The following LUC7L2 variants were observed in gnomAD, a reference collection of about 807,000 sequenced individuals.
LUC7L2 encodes putative RNA-binding protein Luc7-like 2.
In LUC7L2, 25 loss-of-function variants were observed where a neutral mutation model predicts 52.8. The observed-to-expected ratio is 0.47, with a 90% CI of 0.34 to 0.66. LUC7L2 has a LOEUF of 0.66. LUC7L2 is among the 30% of genes least tolerant of loss of function. The pLI, the probability that LUC7L2 is intolerant of heterozygous loss-of-function variation, is 0.01. For missense variants in LUC7L2, 328 were observed against 497.8 expected (o/e 0.66, Z 3.25); for synonymous variants, 144 against 160.9 (o/e 0.89, Z 0.80).
chr7:139,376,305 TC>T, intron 2 of LUC7L2, 149 bp downstream of exon 2: 1 of 811,450 alleles, frequency 1.2e-6, no homozygotes, highest in Non-Finnish European at 1.9e-6. Context: ...ATTACTTAAA[TC>T]TTCAGTAATG....
At chr7:139,396,165 G>A (rs1794656233) in intron 2 of LUC7L2, among the ~76,000 whole-genome samples, 2 of 152,156 alleles carry the variant, frequency 1.3e-5, no homozygotes, top group South Asian at 4.1e-4. Context: ...TCTTGGCCAG[G>A]TGCAGTTGCT....
chr7:139,413,298 A>C (rs554468111), intron 8 of LUC7L2, among the ~76,000 whole-genome samples: 15 of 152,120 alleles, frequency 9.9e-5, no homozygotes, highest in African/African-American at 3.6e-4. Context: ...TGCCCTTCTC[A>C]TTCCAGTCGT....
At chr7:139,397,158 T>C (rs1193194427) in intron 2 of LUC7L2, among the ~76,000 whole-genome samples, 1 of 152,212 alleles carries the variant, frequency 6.6e-6, no homozygotes, top group African/African-American at 2.4e-5. Context: ...TTCCCTGTGA[T>C]TAATAGTGGC....
chr7:139,423,145 A>G lies in LUC7L2; in HGVS notation c.*805A>G. Reference sequence around the variant, plus strand: ...AAATAATAATAATAAAATGAAAGAAACAATCACCACCACCATTATTAAACT... The same window carrying G: ...AAATAATAATAATAAAATGAAAGAAGCAATCACCACCACCATTATTAAACT... On this transcript the variant is annotated 3_prime_UTR_variant, in exon 10 of 10. Coordinates refer to ENST00000354926, the MANE Select transcript of LUC7L2 (RefSeq NM_016019.5). 2.5e-6 allele frequency: 1 copy of G among 399,076 alleles called. No homozygotes were observed. Among genetic ancestry groups the G allele is most frequent in the Non-Finnish European group, 4.4e-6 (1 of 226,064 alleles). 24.7% of individuals were successfully genotyped at this position (399,076 alleles called of 1,614,324 possible).
intron 6 of LUC7L2, 55 bp downstream of exon 6, chr7:139,407,405 G>T: frequency 2.6e-6 from 4 of 1,535,646 alleles, no homozygotes; most frequent in Non-Finnish European, 3.5e-6. Context: ...ATCTGTATCA[G>T]TTGCCTTTTT....
chr7:139,378,713 AG>A (rs1800840629), intron 2 of LUC7L2, among the ~76,000 whole-genome samples: 2 of 152,270 alleles, frequency 1.3e-5, no homozygotes, highest in South Asian at 4.1e-4. Flanking sequence ...TTTGTTCTTT[AG>A]GGATTGACTG....
intron 1 of LUC7L2, among the ~76,000 whole-genome samples, chr7:139,367,604 G>A (rs1800229044): frequency 6.6e-6 from 1 of 152,134 alleles, no homozygotes; most frequent in African/African-American, 2.4e-5. Flanking sequence ...CATCTTTTGT[G>A]CAAATCTCAT....
rs1358999836 is a variant in LUC7L2, at chr7:139,402,332, C to T, written c.366+85C>T. ...TTTTATTTTGAAATAATTAGATTTG[C>T]AAGAGATTGCAAAGACATATACAAG... On this transcript the variant is annotated intron_variant, in intron 4 of 9. Transcript: ENST00000354926. 17 of 1,296,404 alleles carry T rather than the reference C, an allele frequency of 1.3e-5. No individual in the cohort carries two copies. The East Asian group carries it at 3.6e-4, about 27-fold the overall frequency. The allele number at this position is 1,296,404 out of a possible 1,614,324, so 80.3% of individuals were successfully genotyped here.
intron 3 of LUC7L2, among the ~76,000 whole-genome samples, 167 bp from the exon 4 acceptor site, chr7:139,401,970 C>G (rs1419289832): frequency 2.0e-5 from 3 of 151,986 alleles, no homozygotes; most frequent in Admixed American, 6.6e-5. Flanking sequence ...CCAGGCTGGC[C>G]TCAAGTGATC....
upstream of LUC7L2, chr7:139,359,460 G>T (rs1361400234): frequency 1.1e-5 from 2 of 183,260 alleles, no homozygotes; most frequent in Non-Finnish European, 2.2e-5. Flanking sequence ...ACGAGAACCA[G>T]GACGCGTCCA....
intron 5 of LUC7L2, 22 bp downstream of exon 5, chr7:139,405,809 A>G (rs1795089923): frequency 6.3e-7 from 1 of 1,574,918 alleles, no homozygotes; most frequent in Admixed American, 2.0e-5. Context: ...ATAGTAGTAG[A>G]CGAATTCTGC....
chr7:139,407,826 T>TA (rs35463642), intron 6 of LUC7L2, among the ~76,000 whole-genome samples: 58,208 of 151,882 alleles, frequency 0.38, 15,559 homozygotes, highest in African/African-American at 0.76. Flanking sequence ...AAAATTTATA[T>TA]TTTTTTAAAA....
Position 139,343,925 on chromosome 7 carries a change from C to CAAA in LUC7L2, c.-26+3408_-26+3409insAAA, listed in dbSNP as rs370854113. Among the ~76,000 whole-genome samples the CAAA allele has an allele frequency of 4.8e-3, 607 of 126,300 alleles. 9 individuals are homozygous for CAAA. The highest frequency in any genetic ancestry group is 0.017 in the Middle Eastern group (4 of 234). The allele number at this position is 126,300 out of a possible 152,430, so 82.9% of individuals were successfully genotyped here. On this transcript the variant is annotated intron_variant, in intron 1 of 10. Coordinates refer to the LUC7L2 transcript ENST00000541170. ...TGGGCAACAAAGTGAGACCCTGTCC[C>CAAA]CAAAAAAAAAAAAAAAAAAAAGAGT... is the stretch of plus-strand genomic sequence containing the variant.
chr7:139,412,193 C>T (rs903452870), intron 7 of LUC7L2, among the ~76,000 whole-genome samples: 1 of 149,616 alleles, frequency 6.7e-6, no homozygotes, highest in Admixed American at 6.6e-5. Flanking sequence ...CAAGACCACC[C>T]TAGGCAACAA....
chr7:139,388,621 G>A (rs1006298493), intron 2 of LUC7L2, among the ~76,000 whole-genome samples: 2 of 150,602 alleles, frequency 1.3e-5, no homozygotes, highest in African/African-American at 2.4e-5. Flanking sequence ...GATAAAGAAA[G>A]CCTGTAGTGA....
chr7:139,420,543 A>C (rs1269399138), intron 9 of LUC7L2, among the ~76,000 whole-genome samples: 1 of 152,188 alleles, frequency 6.6e-6, no homozygotes, highest in Non-Finnish European at 1.5e-5. Context: ...GTCTTTCCCC[A>C]TCTACTAAGT....
intron 1 of LUC7L2, chr7:139,363,138 C>T (rs1799971390): frequency 1.2e-6 from 1 of 854,950 alleles, no homozygotes; most frequent in Non-Finnish European, 1.4e-6. Flanking sequence ...GGTGGGAGGG[C>T]CAAAGACAAA....
intron 1 of LUC7L2, chr7:139,374,577 C>T (rs1800613475): frequency 9.7e-6 from 15 of 1,538,922 alleles, no homozygotes; most frequent in African/African-American, 1.4e-5. Flanking sequence ...TAGTAGCAGG[C>T]GTAAACACTA....
At chr7:139,381,467 T>G (rs1801018048) in intron 2 of LUC7L2, among the ~76,000 whole-genome samples, 1 of 151,930 alleles carries the variant, frequency 6.6e-6, no homozygotes, top group East Asian at 1.9e-4. Context: ...TGGAGTGCAG[T>G]GGTGCCATCT....
Sources: gnomAD v4.1 joint callset for allele counts (sites outside exome capture counted in the v4.1 genomes callset) on GRCh38, gnomAD v4.1.1 for gene constraint, MANE v1.5 for transcripts, NCBI Gene and HGNC (gene_info 2026-07-23, HGNC 2026-07-21) for gene names.